The following SLC1A6 variants were observed in gnomAD, a reference collection of about 807,000 sequenced individuals.
SLC1A6 encodes the protein solute carrier family 1 member 6.
SLC1A6 carries 15 observed loss-of-function variants against 42.1 expected under a neutral mutation model. The ratio of observed to expected loss-of-function variants is 0.36; its 90% CI spans 0.24 to 0.55. SLC1A6 has a LOEUF of 0.55. SLC1A6 is among the 20% of genes least tolerant of loss of function. The pLI, the probability that SLC1A6 is intolerant of heterozygous loss-of-function variation, is 0.88. For synonymous variants in SLC1A6, 317 were observed against 319.7 expected (o/e 0.99, Z 0.09); for missense variants, 542 against 772.5 (o/e 0.70, Z 3.54).
At chr19:14,993,526 G>A (rs1396058759) in intron 1 of SLC1A6, among the ~76,000 whole-genome samples, 2 of 152,086 alleles carry the variant, frequency 1.3e-5, no homozygotes, top group Non-Finnish European at 2.9e-5. Flanking sequence ...TTTCTGCCCG[G>A]CATTGTACTG....
chr19:14,972,373 T>A (rs1043140792), intron 2 of SLC1A6, among the ~76,000 whole-genome samples: 8 of 107,946 alleles, frequency 7.4e-5, no homozygotes, highest in African/African-American at 2.6e-4. Flanking sequence ...CATGCACAAG[T>A]GTGCATGTTT....
chr19:14,968,485 C>T lies in SLC1A6; in HGVS notation c.366G>A (p.Lys122=). The T allele has an allele frequency of 6.2e-7, 1 of 1,611,872 alleles. No individual in the cohort carries two copies. The highest frequency in any genetic ancestry group is 8.5e-7 in the Non-Finnish European group (1 of 1,178,802). Residue 122 remains lysine (K), a synonymous_variant, in exon 4 of 10, where the codon AAG becomes AAA. Coordinates refer to ENST00000594383, the MANE Select transcript of SLC1A6 (RefSeq NM_005071.3). The part of the protein sequence containing the change: ...LVTGMASLDN[K]ATGRMGMRAA... ...CCCGCATCCCCATCCGCCCCGTGGC[C>T]TTGTTGTCCAGGGATGCCATACCTG... is the stretch of plus-strand genomic sequence containing the variant.
upstream of SLC1A6, among the ~76,000 whole-genome samples, chr19:14,980,540 C>A (rs981156378): frequency 6.6e-6 from 1 of 151,712 alleles, no homozygotes. Flanking sequence ...GCCTGTAATC[C>A]CAGCACTTTG....
rs115733202 is a variant in SLC1A6, at chr19:14,972,572, G to T, written c.205+134C>A. On this transcript the variant is annotated intron_variant, in intron 2 of 9. Coordinates refer to ENST00000594383, the MANE Select transcript of SLC1A6 (RefSeq NM_005071.3). ...GTGTGTCTTTATGTGGGGGGTTGAG[G>T]GTGACTGGTGGGACTGGGACGTGTG... The T allele has an allele frequency of 3.9e-4, 270 of 687,768 alleles. No homozygotes were observed. In the African/African-American group the frequency reaches 4.3e-3, roughly 11 times the overall value. 42.6% of individuals were successfully genotyped at this position (687,768 alleles called of 1,614,324 possible).
upstream of SLC1A6, among the ~76,000 whole-genome samples, chr19:14,981,930 A>G (rs573099335): frequency 7.9e-4 from 120 of 152,238 alleles, no homozygotes; most frequent in African/African-American, 2.8e-3. Context: ...CAGGAGGCTG[A>G]TGCAGGAGGA....
intron 4 of SLC1A6, among the ~76,000 whole-genome samples, chr19:14,967,803 C>T (rs1466474462): frequency 6.6e-6 from 1 of 152,144 alleles, no homozygotes; most frequent in Non-Finnish European, 1.5e-5. Context: ...GGCCCCTGTT[C>T]CACCAGCCAT....
chr19:14,992,746 G>T (rs891833137), intron 1 of SLC1A6, among the ~76,000 whole-genome samples: 3 of 152,084 alleles, frequency 2.0e-5, no homozygotes, highest in African/African-American at 4.8e-5. Flanking sequence ...CTGACCAAAG[G>T]CTCCAACTCT....
Position 14,962,092 on chromosome 19 carries a change from A to G in SLC1A6, c.845T>C (p.Ile282Thr), listed in dbSNP as rs747563521. ...VVFSVAFGLV[I>T]GGMKHKGRVL... The stretch of plus-strand genomic sequence containing the variant: ...TCTGCCCTTGTGTTTCATGCCACCA[A>G]TGACCAGCCCAAAGGCCACAGAGAA... Residue 282 changes from isoleucine to threonine, a missense_variant, in exon 6 of 10, where the codon ATT becomes ACT. Physicochemically the swap from Ile to Thr is moderately conservative, Grantham distance 89. Coordinates refer to ENST00000594383, the MANE Select transcript of SLC1A6 (RefSeq NM_005071.3). 3 of 1,614,196 alleles carry G rather than the reference A, an allele frequency of 1.9e-6. No homozygotes were observed. Among genetic ancestry groups the G allele is most frequent in the Admixed American group, 1.7e-5 (1 of 60,020 alleles).
At chr19:15,003,168 G>C (rs930530607) in intron 1 of SLC1A6, among the ~76,000 whole-genome samples, 2 of 152,046 alleles carry the variant, frequency 1.3e-5, no homozygotes, top group Admixed American at 6.6e-5. Flanking sequence ...TGTACAGATG[G>C]GGTTTCACCA....
intron 1 of SLC1A6, among the ~76,000 whole-genome samples, chr19:14,975,902 A>AAGGGG (rs2045705133): frequency 7.2e-6 from 1 of 138,674 alleles, no homozygotes; most frequent in African/African-American, 2.7e-5. Flanking sequence ...AAGGAAAGGG[A>AAGGGG]AGGGGGAAGG....
chr19:14,960,550 C>T (rs543223602), intron 6 of SLC1A6, among the ~76,000 whole-genome samples: 2 of 152,294 alleles, frequency 1.3e-5, no homozygotes, highest in African/African-American at 4.8e-5. Context: ...TAAATCACTG[C>T]AGAAAGGTAT....
rs1254474029 is a variant in SLC1A6, at chr19:14,966,309, C to T, written c.549-1948G>A. Among the ~76,000 whole-genome samples the T allele has an allele frequency of 5.3e-5, 8 of 151,996 alleles. No homozygotes were observed. In the East Asian group the frequency reaches 7.7e-4, roughly 15 times the overall value. ...CAGTTCAAGACCAGCCTGGCCAACA[C>T]GGTGAAACCCTGTCTCCACTAAAAA... On this transcript the variant is annotated intron_variant, in intron 4 of 9. Coordinates refer to ENST00000594383, the MANE Select transcript of SLC1A6 (RefSeq NM_005071.3).
At position 14,990,431 on chromosome 19, in the gene SLC1A6, T is replaced by C. The variant is rs531964907; in HGVS notation, c.7-17514A>G. Among the ~76,000 whole-genome samples, 63 of 152,096 alleles carry C rather than the reference T, an allele frequency of 4.1e-4. 1 individual carries two copies. Among genetic ancestry groups the C allele is most frequent in the Admixed American group, 2.9e-3 (44 of 15,270 alleles). ...ATTACCAGAGACTCAAGTTGGAGGA[T>C]TGGGGAGATGTTGGTCAAAGGATAC... On this transcript the variant is annotated intron_variant, in intron 1 of 8. Coordinates refer to the SLC1A6 transcript ENST00000430939.
chr19:14,971,915 C>T (rs371178012), intron 2 of SLC1A6, 41 bp from the exon 3 acceptor site: 46 of 1,609,058 alleles, frequency 2.9e-5, no homozygotes, highest in Non-Finnish European at 3.6e-5. Context: ...AAGTCTGGGT[C>T]GCTCAGCCCC....
At chr19:14,979,938 CCCGCCCCCTAAA>C (rs1376064283), upstream of SLC1A6, 1 of 152,336 alleles carries the variant, frequency 6.6e-6, no homozygotes, top group Non-Finnish European at 1.5e-5. The surrounding 1 kb of genome is among the most constrained non-coding windows in gnomAD (Gnocchi z 4.2). Flanking sequence ...CCTCCGCGCC[CCCGCCCCCTAAA>C]CCGCCTCCGG....
intron 9 of SLC1A6, among the ~76,000 whole-genome samples, chr19:14,952,424 C>T (rs12972461): frequency 0.73 from 109,375 of 150,836 alleles, 40,118 homozygotes; most frequent in African/African-American, 0.84. Context: ...GGCATGGTGG[C>T]GGGCGCCTGT....
chr19:14,955,953 A>T (rs1388949011), intron 7 of SLC1A6, among the ~76,000 whole-genome samples: 1 of 152,070 alleles, frequency 6.6e-6, no homozygotes, highest in Non-Finnish European at 1.5e-5. Flanking sequence ...GAAAAAAAAA[A>T]TTCTTCCATC....
Position 14,995,326 on chromosome 19 carries a change from C to CA in SLC1A6, c.6+15158dup, listed in dbSNP as rs1173848535. 6.6e-4 allele frequency among the ~76,000 whole-genome samples: 35 copies of CA among 52,914 alleles called. 1 individual carries two copies. Among genetic ancestry groups the CA allele is most frequent in the Non-Finnish European group, 9.6e-4 (28 of 29,054 alleles). 34.7% of individuals were successfully genotyped at this position (52,914 alleles called of 152,430 possible). ...GGCAACAAGAGTGAAACTCCATCTC[C>CA]AAAAAAAAAAAAAAAAAAGAAAGAA... On this transcript the variant is annotated intron_variant, in intron 1 of 8. Transcript: ENST00000430939.
chr19:14,992,657 C>CAA lies in SLC1A6; in HGVS notation c.6+17826_6+17827dup, dbSNP rs35913323. On this transcript the variant is annotated intron_variant, in intron 1 of 8. Transcript: ENST00000430939. The stretch of plus-strand genomic sequence containing the variant: ...TGGGCTACAGAGCAAGACTCTGTCT[C>CAA]AAAAAAAAAAAAAATGAGCAGGGTT... Among the ~76,000 whole-genome samples, 502 of 137,578 alleles carry CAA rather than the reference C, an allele frequency of 3.6e-3. 9 individuals are homozygous for CAA. The highest frequency in any genetic ancestry group is 0.036 in the East Asian group (171 of 4,740). The allele number at this position is 137,578 out of a possible 152,430, so 90.3% of individuals were successfully genotyped here.
Sources: gnomAD v4.1 joint callset for allele counts (sites outside exome capture counted in the v4.1 genomes callset) on GRCh38, gnomAD v4.1.1 for gene constraint, Gnocchi (gnomAD v3.1) non-coding constraint, MANE v1.5 for transcripts, NCBI Gene and HGNC (gene_info 2026-07-23, HGNC 2026-07-21) for gene names.